RNF216: variants seen among roughly 807,000 people sequenced by gnomAD.
The protein encoded by RNF216 is ring finger protein 216.
RNF216 carries 72 observed loss-of-function variants against 110.8 expected under a neutral mutation model. The ratio of observed to expected loss-of-function variants is 0.65; its 90% CI spans 0.54 to 0.79. RNF216 has a LOEUF of 0.79. Ranked by LOEUF, RNF216 falls within the 30% of genes least tolerant of loss-of-function variation. The pLI is 0.00. For missense variants in RNF216, 1,342 were observed against 1,141.2 expected (o/e 1.18, Z -2.54); for synonymous variants, 495 against 407.5 (o/e 1.21, Z -2.59).
At chr7:5,697,804 A>G (rs942499779) in intron 13 of RNF216, among the ~76,000 whole-genome samples, 3 of 152,156 alleles carry the variant, frequency 2.0e-5, no homozygotes, top group African/African-American at 7.2e-5. Context: ...GCTGGCCTTG[A>G]GGGTGAAAAG....
chr7:5,770,568 C>T (rs1796442982), intron 1 of RNF216, among the ~76,000 whole-genome samples: 1 of 151,802 alleles, frequency 6.6e-6, no homozygotes. Context: ...TCCTTTCACT[C>T]TAAATTGATG....
At chr7:5,778,788 G>C (rs1020244352) in intron 1 of RNF216, among the ~76,000 whole-genome samples, 58 of 152,156 alleles carry the variant, frequency 3.8e-4, no homozygotes, top group African/African-American at 1.3e-3. Context: ...CTGTCACCCA[G>C]GCTGGAGTGC....
At chr7:5,703,665 G>C (rs1792110573) in intron 13 of RNF216, among the ~76,000 whole-genome samples, 1 of 152,234 alleles carries the variant, frequency 6.6e-6, no homozygotes, top group African/African-American at 2.4e-5. Context: ...AAGTGACATT[G>C]GGAAAAGATG....
chr7:5,658,762 G>A lies in RNF216; in HGVS notation c.2062-6252C>T, dbSNP rs141471971. On this transcript the variant is annotated intron_variant, in intron 13 of 16. Transcript: ENST00000389902. The stretch of plus-strand genomic sequence containing the variant: ...TTTTAAATTTTCTGTATCTGTGTAT[G>A]TTTTGCCATGTTATGTTACAACAGT... Among the ~76,000 whole-genome samples, 769 of 151,294 alleles carry A rather than the reference G, an allele frequency of 5.1e-3. 6 individuals are homozygous for A. The highest frequency in any genetic ancestry group is 0.017 in the Middle Eastern group (5 of 292).
chr7:5,669,883 CA>C (rs577871366), intron 13 of RNF216, among the ~76,000 whole-genome samples: 2 of 147,358 alleles, frequency 1.4e-5, no homozygotes, highest in African/African-American at 2.5e-5. Context: ...GACTCCATCT[CA>C]AAAAAAAAGA....
At chr7:5,693,263 G>C (rs1235500452) in intron 13 of RNF216, among the ~76,000 whole-genome samples, 1 of 152,168 alleles carries the variant, frequency 6.6e-6, no homozygotes, top group East Asian at 1.9e-4. Context: ...AGGTAGCTGG[G>C]ATAGATACCA....
chr7:5,740,610 A>T (rs1296905935), intron 4 of RNF216, among the ~76,000 whole-genome samples: 1 of 152,230 alleles, frequency 6.6e-6, no homozygotes, highest in Non-Finnish European at 1.5e-5. Flanking sequence ...ACAAGGAGCT[A>T]GTAAGTGCCA....
In RNF216 at chr7:5,641,356, G is replaced by A; in HGVS notation, c.2180C>T (p.Ala727Val). ...RTSIEEKMTA[A>V]RIRKCHKCGT... is the part of the protein sequence containing the mutation. ...ACACTTGTGGCATTTTCTAATGCGGGCAGCAGTCATTTTTTCTTCACTGAA... is the reference window on the plus strand; with the variant it reads ...ACACTTGTGGCATTTTCTAATGCGGACAGCAGTCATTTTTTCTTCACTGAA... Residue 727 changes from alanine to valine, a missense_variant, in exon 15 of 17, where the codon GCC becomes GTC. Physicochemically the swap from Ala to Val is moderately conservative, Grantham distance 64 (BLOSUM62 0). Coordinates refer to ENST00000389902, the MANE Select transcript of RNF216 (RefSeq NM_207111.4). 1 of 1,613,534 alleles carries A rather than the reference G, an allele frequency of 6.2e-7. No homozygotes were observed. Among genetic ancestry groups the A allele is most frequent in the Non-Finnish European group, 8.5e-7 (1 of 1,179,658 alleles).
At chr7:5,754,057 G>A (rs1482743261) in intron 2 of RNF216, among the ~76,000 whole-genome samples, 1 of 151,638 alleles carries the variant, frequency 6.6e-6, no homozygotes, top group Non-Finnish European at 1.5e-5. Context: ...ACGAAATGAC[G>A]CACCTCATCA....
chr7:5,667,875 G>C (rs1016736489), intron 13 of RNF216, among the ~76,000 whole-genome samples: 7 of 152,224 alleles, frequency 4.6e-5, no homozygotes, highest in Non-Finnish European at 8.8e-5. Flanking sequence ...ATTGGGGAAA[G>C]GAGCCACTGG....
intron 13 of RNF216, among the ~76,000 whole-genome samples, chr7:5,686,874 G>A (rs1791020619): frequency 6.6e-6 from 1 of 152,196 alleles, no homozygotes; most frequent in African/African-American, 2.4e-5. Flanking sequence ...GTTCACAACA[G>A]GGTTCACGCT....
In RNF216 at chr7:5,670,246, T is replaced by C. The variant is rs866839408; in HGVS notation, c.2062-17736A>G. ...ACCGTGCCTGCCCTGGAAATCACTT[T>C]CATAAACAACCTGGATGTGAGACTT... On this transcript the variant is annotated intron_variant, in intron 13 of 16. Coordinates refer to ENST00000389902, the MANE Select transcript of RNF216 (RefSeq NM_207111.4). 4.6e-5 allele frequency among the ~76,000 whole-genome samples: 7 copies of C among 152,168 alleles called. No individual in the cohort carries two copies. The East Asian group carries it at 1.4e-3, about 30-fold the overall frequency.
At chr7:5,742,697 G>A (rs1024072197) in intron 3 of RNF216, among the ~76,000 whole-genome samples, 3 of 141,424 alleles carry the variant, frequency 2.1e-5, no homozygotes, top group South Asian at 2.3e-4. Flanking sequence ...CCAGGTTCAA[G>A]CAATTATCCT....
intron 14 of RNF216, among the ~76,000 whole-genome samples, chr7:5,651,374 G>A (rs988677632): frequency 6.6e-6 from 1 of 151,966 alleles, no homozygotes; most frequent in African/African-American, 2.4e-5. Context: ...CTACAGGTGC[G>A]TGCCCACCAC....
rs776355060 is a variant in RNF216, at chr7:5,741,349, G to T, written c.668C>A (p.Ala223Asp). ...ATCTAACCAGCAGTCTTCTTCGATG[G>T]CCTGATCATCTGCTAGAGCAGCTGA... ...GESAALADDQ[A>D]IEEDCWLDHP... Residue 223 changes from alanine (A) to aspartate (D), a missense_variant, in exon 4 of 17, where the codon GCC becomes GAC. Coordinates refer to ENST00000389902, the MANE Select transcript of RNF216 (RefSeq NM_207111.4). 8.7e-6 allele frequency: 14 copies of T among 1,614,148 alleles called. No homozygotes were observed. The highest frequency in any genetic ancestry group is 1.2e-5 in the Non-Finnish European group (14 of 1,180,018).
chr7:5,704,536 T>C (rs1792167697), intron 13 of RNF216, among the ~76,000 whole-genome samples: 1 of 152,270 alleles, frequency 6.6e-6, no homozygotes, highest in African/African-American at 2.4e-5. Flanking sequence ...CGATTTGCTT[T>C]GGTACTGAGC....
At chr7:5,631,569 C>T (rs562286361) in intron 15 of RNF216, among the ~76,000 whole-genome samples, 1 of 152,288 alleles carries the variant, frequency 6.6e-6, no homozygotes, top group South Asian at 2.1e-4. Context: ...TTTCTCCTGA[C>T]ACTACCAAGT....
chr7:5,660,863 C>G (rs185626671), intron 13 of RNF216, among the ~76,000 whole-genome samples: 56 of 151,646 alleles, frequency 3.7e-4, no homozygotes, highest in African/African-American at 1.2e-3. Context: ...AGCCACCATG[C>G]CTGGCCTGGG....
At chr7:5,679,438 A>T (rs1790513345) in intron 13 of RNF216, among the ~76,000 whole-genome samples, 1 of 152,258 alleles carries the variant, frequency 6.6e-6, no homozygotes, top group Non-Finnish European at 1.5e-5. Context: ...CGCTGAGCGC[A>T]CTGGTGCACA....
Sources: allele counts gnomAD v4.1 joint callset (sites outside exome capture counted in the v4.1 genomes callset), GRCh38; gene constraint gnomAD v4.1.1; transcripts MANE v1.5; gene names NCBI Gene and HGNC (gene_info 2026-07-23, HGNC 2026-07-21).